The following RARS2 variants were observed in gnomAD, a reference collection of about 807,000 sequenced individuals.
RARS2 encodes the protein probable arginine--tRNA ligase, mitochondrial.
In RARS2, 67 loss-of-function variants were observed where a neutral mutation model predicts 88.5. The ratio of observed to expected loss-of-function variants is 0.76; its 90% CI spans 0.62 to 0.93. The LOEUF (loss-of-function observed/expected upper bound fraction) is 0.93. Ranked by LOEUF, RARS2 falls within the 40% of genes least tolerant of loss-of-function variation. RARS2 has a pLI of 0.00. For missense variants in RARS2, 664 were observed against 684.2 expected, an observed-to-expected ratio of 0.97 and a Z score of 0.33; for synonymous variants, 239 against 230.3, an observed-to-expected ratio of 1.04 and a Z score of -0.34.
rs1388066420 is a variant in RARS2, at chr6:87,520,937, G to A, written c.1035+527C>T. ...ATTCTGAATGTGGTGATGGTTACAT[G>A]AATCTATACATGTGATAAAGTCTCA... On this transcript the variant is annotated intron_variant, in intron 12 of 19. Coordinates refer to ENST00000369536, the MANE Select transcript of RARS2 (RefSeq NM_020320.5). 4.6e-5 allele frequency among the ~76,000 whole-genome samples: 7 copies of A among 152,282 alleles called. No individual in the cohort carries two copies. The East Asian group carries it at 1.4e-3, about 29-fold the overall frequency.
intron 1 of RARS2, among the ~76,000 whole-genome samples, chr6:87,589,319 T>G (rs1384705828): frequency 6.6e-6 from 1 of 152,126 alleles, no homozygotes; most frequent in Non-Finnish European, 1.5e-5. Context: ...GAGGCCTGCC[T>G]GGGCAATACG....
At position 87,518,857 on chromosome 6, in the gene RARS2, T is replaced by A; in HGVS notation, c.1272A>T (p.Ala424=). 6.2e-7 allele frequency: 1 copy of A among 1,614,096 alleles called. No homozygotes were observed. The highest frequency in any genetic ancestry group is 8.5e-7 in the Non-Finnish European group (1 of 1,179,976). Residue 424 remains alanine (A), a synonymous_variant, in exon 15 of 20, where the codon GCA becomes GCT. Transcript: ENST00000369536. ...TKELKNPQET[A]ERVGLAALII... is the part of the protein sequence containing the mutation. The stretch of plus-strand genomic sequence containing the variant: ...TGAGTGCTGCGAGCCCGACCCTCTC[T>A]GCAGTCTCTTGTGGGTTCTTGAGTT...
intron 1 of RARS2, among the ~76,000 whole-genome samples, chr6:87,570,686 T>G (rs947639433): frequency 4.1e-4 from 62 of 152,194 alleles, no homozygotes; most frequent in African/African-American, 1.4e-3. Flanking sequence ...TCCCAAAATG[T>G]TGACATTATA....
intron 6 of RARS2, among the ~76,000 whole-genome samples, chr6:87,546,893 G>A (rs1782765680): frequency 6.6e-6 from 1 of 152,084 alleles, no homozygotes; most frequent in Non-Finnish European, 1.5e-5. Flanking sequence ...TTTCCAGCTG[G>A]CACACAGATG....
chr6:87,545,838 A>G, intron 6 of RARS2, 139 bp from the exon 7 acceptor site: 3 of 1,018,434 alleles, frequency 2.9e-6, no homozygotes, highest in Non-Finnish European at 4.2e-6. Flanking sequence ...TTACTAAAAC[A>G]TTCATCATTG....
rs1054789423 is a variant in RARS2, at chr6:87,562,639, A to C, written c.297+63T>G. 4.4e-5 allele frequency: 55 copies of C among 1,250,778 alleles called. No homozygotes were observed. In the African/African-American group the frequency reaches 7.5e-4, roughly 17 times the overall value. The allele number at this position is 1,250,778 out of a possible 1,614,324, so 77.5% of individuals were successfully genotyped here. On this transcript the variant is annotated intron_variant, in intron 4 of 19. Transcript: ENST00000369536. ...CATAAAGAATTTAAAAACTGGAGGA[A>C]GACCACTGTGGCTGAAGCAGACAGA...
intron 1 of RARS2, among the ~76,000 whole-genome samples, chr6:87,581,381 G>C (rs1773430464): frequency 1.3e-5 from 2 of 152,006 alleles, no homozygotes; most frequent in African/African-American, 4.8e-5. Flanking sequence ...CCTCACTTCT[G>C]ATTCTCCAAC....
At position 87,519,481 on chromosome 6, in the gene RARS2, T is replaced by G. The variant is rs1773119560; in HGVS notation, c.1237+102A>C. The G allele has an allele frequency of 5.2e-6, 7 of 1,335,692 alleles. No individual in the cohort carries two copies. In the Admixed American group the frequency reaches 1.1e-4, roughly 20 times the overall value. 82.7% of individuals were successfully genotyped at this position (1,335,692 alleles called of 1,614,324 possible). A position where few individuals can be genotyped will look rare whatever the true frequency, so the allele number is the denominator to read the frequency against. ...GTATTTTTGACAAAGTTAGTGACAC[T>G]TCAATGGAGGGACAGACATAATAAA... On this transcript the variant is annotated intron_variant, in intron 14 of 19. Transcript: ENST00000369536.
intron 1 of RARS2, chr6:87,589,614 G>A (rs1776366474): frequency 3.2e-6 from 3 of 934,688 alleles, no homozygotes; most frequent in East Asian, 1.2e-4. Context: ...CTTCTATGGG[G>A]TCTAATCATG....
Position 87,520,199 on chromosome 6 carries a change from C to G in RARS2, c.1093G>C (p.Gly365Arg), listed in dbSNP as rs1478670202. The G allele has an allele frequency of 6.2e-7, 1 of 1,613,354 alleles. No homozygotes were observed. The highest frequency in any genetic ancestry group is 1.3e-5 in the African/African-American group (1 of 74,850). Reference sequence around the variant, plus strand: ...CATTACCTTTCTGCCCAGTCATATCCCATGATCTTCAGCATTTGGAATACT... The same window carrying G: ...CATTACCTTTCTGCCCAGTCATATCGCATGATCTTCAGCATTTGGAATACT... ...QQVFQMLKIMGYDWAERCQHV... is the reference protein window; with the variant it reads ...QQVFQMLKIMRYDWAERCQHV... The change falls in exon 13 of 20, where the codon GGA (glycine) becomes CGA (arginine). Residue 365 changes from glycine (G) to arginine (R), a missense_variant. Transcript: ENST00000369536.
At chr6:87,564,285 G>A (rs967339422) in intron 2 of RARS2, 53 bp from the exon 3 acceptor site, 1 of 1,271,692 alleles carries the variant, frequency 7.9e-7, no homozygotes, top group Non-Finnish European at 1.1e-6. Context: ...AGCATTAGTT[G>A]TTAAACAAAG....
intron 2 of RARS2, among the ~76,000 whole-genome samples, chr6:87,566,611 G>A (rs1202853492): frequency 1.3e-5 from 2 of 152,084 alleles, no homozygotes; most frequent in African/African-American, 4.8e-5. Context: ...GTGGGAGGCT[G>A]AGGTAGGAGA....
intron 8 of RARS2, among the ~76,000 whole-genome samples, chr6:87,538,805 A>G (rs1779984078): frequency 6.6e-6 from 1 of 152,102 alleles, no homozygotes; most frequent in Admixed American, 6.6e-5. Context: ...AGTTTGAGGC[A>G]GGAGGACTGT....
Position 87,521,526 on chromosome 6 carries a change from T to C in RARS2, c.975-2A>G. 2 of 1,611,582 alleles carry C rather than the reference T, an allele frequency of 1.2e-6. No homozygotes were observed. The highest frequency in any genetic ancestry group is 1.1e-5 in the South Asian group (1 of 90,998). On this transcript the variant is annotated splice_acceptor_variant, in intron 11 of 19. Transcript: ENST00000369536. LOFTEE classifies it high-confidence loss of function. The stretch of plus-strand genomic sequence containing the variant: ...CGATCTATAGCAGCTGCAAGATCTC[T>C]GAAACAAAGTGGCCATAAACCAAGA...
intron 1 of RARS2, among the ~76,000 whole-genome samples, chr6:87,573,976 G>A (rs1190845389): frequency 6.6e-6 from 1 of 152,206 alleles, no homozygotes; most frequent in African/African-American, 2.4e-5. Context: ...TGTATCAGAA[G>A]TCAGAGATGA....
intron 5 of RARS2, among the ~76,000 whole-genome samples, chr6:87,553,171 T>C (rs1784854773): frequency 6.6e-6 from 1 of 152,184 alleles, no homozygotes; most frequent in Admixed American, 6.5e-5. Context: ...CTTGAGTACC[T>C]TTGTAAAGAG....
intron 17 of RARS2, among the ~76,000 whole-genome samples, chr6:87,517,874 A>T (rs1401843410): frequency 6.6e-6 from 1 of 152,112 alleles, no homozygotes; most frequent in Non-Finnish European, 1.5e-5. Context: ...CTCAAACTAA[A>T]ACTAAAAAAG....
intron 1 of RARS2, among the ~76,000 whole-genome samples, chr6:87,570,695 T>G (rs973977811): frequency 6.6e-6 from 1 of 152,150 alleles, no homozygotes; most frequent in Non-Finnish European, 1.5e-5. Flanking sequence ...GTTGACATTA[T>G]AGGCGTAAAC....
At chr6:87,567,505 G>A (rs1051832062) in intron 2 of RARS2, among the ~76,000 whole-genome samples, 5 of 152,112 alleles carry the variant, frequency 3.3e-5, no homozygotes, top group Non-Finnish European at 5.9e-5. Context: ...AAATAAAATC[G>A]AGAGAATTAG....
Sources: allele counts gnomAD v4.1 joint callset (sites outside exome capture counted in the v4.1 genomes callset), GRCh38; gene constraint gnomAD v4.1.1; transcripts MANE v1.5; gene names NCBI Gene and HGNC (gene_info 2026-07-23, HGNC 2026-07-21).